Variants in FAM149B1 observed in about 807,000 individuals in gnomAD.
FAM149B1 encodes primary cilium assembly protein FAM149B1.
FAM149B1 carries 56 observed loss-of-function variants against 75.3 expected under a neutral mutation model. That is an observed-to-expected ratio of 0.74 (90% confidence interval 0.60 to 0.93). The LOEUF (loss-of-function observed/expected upper bound fraction) is 0.93, where lower values mean the gene tolerates loss of function less well. FAM149B1 is among the 40% of genes least tolerant of loss of function. The probability of loss-of-function intolerance (pLI) is 0.00; values close to 1 mark genes in which losing one functional copy is unlikely to be tolerated. For missense variants in FAM149B1, 639 were observed against 708.4 expected, an observed-to-expected ratio of 0.90 and a Z score of 1.11; for synonymous variants, 259 against 256.1, an observed-to-expected ratio of 1.01 and a Z score of -0.11.
chr10:73,178,427 G>T (rs1281544896), intron 3 of FAM149B1, among the ~76,000 whole-genome samples: 2 of 151,762 alleles, frequency 1.3e-5, no homozygotes, highest in Non-Finnish European at 2.9e-5. Flanking sequence ...GGAGGTGGAG[G>T]TTGCTGTGAG....
At chr10:73,234,501 G>A (rs1423218409) in intron 10 of FAM149B1, 1 of 277,012 alleles carries the variant, frequency 3.6e-6, no homozygotes, top group African/African-American at 2.2e-5. Context: ...TCATCAGCTG[G>A]GAATTTACAA....
In FAM149B1 at chr10:73,242,862, C is replaced by T. The variant is rs573957399; in HGVS notation, c.*1843C>T. 3 of 152,802 alleles carry T rather than the reference C, an allele frequency of 2.0e-5. No individual in the cohort carries two copies. Among genetic ancestry groups the T allele is most frequent in the African/African-American group, 7.2e-5 (3 of 41,426 alleles). The allele number at this position is 152,802 out of a possible 1,614,324, so 9.5% of individuals were successfully genotyped here. The stretch of plus-strand genomic sequence containing the variant: ...TTTACCTTTTTTATTGAATTATATA[C>T]ACCTCTTACAAAAATGCTTGAAGTA... On this transcript the variant is annotated 3_prime_UTR_variant, in exon 14 of 14. Transcript: ENST00000242505.
chr10:73,223,156 C>G (rs181751109), intron 7 of FAM149B1, among the ~76,000 whole-genome samples: 2 of 152,086 alleles, frequency 1.3e-5, no homozygotes, highest in Non-Finnish European at 2.9e-5. Context: ...GACCAGCACC[C>G]AGATCAAGAA....
chr10:73,204,771 CTT>C (rs772508767), intron 5 of FAM149B1, among the ~76,000 whole-genome samples: 27 of 92,934 alleles, frequency 2.9e-4, no homozygotes, highest in East Asian at 2.8e-3. Flanking sequence ...TGTGATTATT[CTT>C]TTTTTTTTTT....
rs1177168573 is a variant in FAM149B1, at chr10:73,193,561, AACAACCTTGTCTCAAG to A, written c.512_527del (p.Thr171LysfsTer9). Reference sequence around the variant, plus strand: ...CTTCTGCTGTTTCCGCTTCATATGAAACAACCTTGTCTCAAGAAAGAGATTCTACTATGTGAGTATT... The same window carrying A: ...CTTCTGCTGTTTCCGCTTCATATGAAAAAGAGATTCTACTATGTGAGTATT... On this transcript the variant is annotated frameshift_variant, in exon 5 of 14. Coordinates refer to ENST00000242505, the MANE Select transcript of FAM149B1 (RefSeq NM_173348.2). LOFTEE classifies it high-confidence loss of function. 2.6e-6 allele frequency: 4 copies of A among 1,550,970 alleles called. No homozygotes were observed. Among genetic ancestry groups the A allele is most frequent in the Non-Finnish European group, 3.5e-6 (4 of 1,146,680 alleles).
At chr10:73,179,734 C>G (rs894179008) in intron 3 of FAM149B1, among the ~76,000 whole-genome samples, 3 of 151,980 alleles carry the variant, frequency 2.0e-5, no homozygotes, top group Non-Finnish European at 4.4e-5. Flanking sequence ...ATTGTTAAAA[C>G]CTATTTTCTA....
chr10:73,215,101 G>A (rs376569004), intron 7 of FAM149B1, among the ~76,000 whole-genome samples: 3 of 151,690 alleles, frequency 2.0e-5, no homozygotes, highest in Non-Finnish European at 4.4e-5. Flanking sequence ...CAGCCTCTGC[G>A]CCTCTGCCTC....
At chr10:73,188,933 C>G (rs1300829431) in intron 3 of FAM149B1, among the ~76,000 whole-genome samples, 2 of 151,798 alleles carry the variant, frequency 1.3e-5, no homozygotes, top group African/African-American at 4.8e-5. Context: ...GTGGCTTGTG[C>G]CTGTAACCCC....
intron 7 of FAM149B1, among the ~76,000 whole-genome samples, chr10:73,220,148 G>A (rs1401224618): frequency 6.6e-6 from 1 of 151,906 alleles, no homozygotes; most frequent in African/African-American, 2.4e-5. Context: ...GAAAGACGCT[G>A]TACATCGTTA....
At chr10:73,190,711 C>A (rs2133332138) in intron 3 of FAM149B1, among the ~76,000 whole-genome samples, 1 of 150,428 alleles carries the variant, frequency 6.6e-6, no homozygotes, top group Non-Finnish European at 1.5e-5. Context: ...TGTAACCATC[C>A]CTCTGACTGC....
At chr10:73,205,969 G>A (rs1448905903) in intron 5 of FAM149B1, among the ~76,000 whole-genome samples, 1 of 152,218 alleles carries the variant, frequency 6.6e-6, no homozygotes, top group African/African-American at 2.4e-5. Context: ...TGGGTAATGG[G>A]CAGATGTTGA....
intron 5 of FAM149B1, among the ~76,000 whole-genome samples, chr10:73,207,520 C>T (rs1355352972): frequency 1.3e-5 from 2 of 151,902 alleles, no homozygotes; most frequent in African/African-American, 4.8e-5. Context: ...GCCGAGACCC[C>T]ACCACTACAC....
rs565961356 is a variant in FAM149B1 at position 73,174,753 on chromosome 10, C to A, written c.114C>A (p.Pro38=). The A allele has an allele frequency of 4.5e-6, 7 of 1,551,262 alleles. No homozygotes were observed. The East Asian group carries it at 1.7e-4, about 38-fold the overall frequency. The part of the protein sequence containing the change: ...PPPEKLEEIS[P]TSDSHEKDTS... ...CAGAGAAGCTGGAGGAAATTTCCCC[C>A]ACCAGTGACAGTCATGAGAAAGACA... Residue 38 remains proline (P), a synonymous_variant, in exon 2 of 14, where the codon CCC becomes CCA. Coordinates refer to ENST00000242505, the MANE Select transcript of FAM149B1 (RefSeq NM_173348.2).
At chr10:73,218,722 G>A (rs1478935050) in intron 7 of FAM149B1, among the ~76,000 whole-genome samples, 1 of 152,034 alleles carries the variant, frequency 6.6e-6, no homozygotes, top group Non-Finnish European at 1.5e-5. Context: ...TTAGTAAAAG[G>A]TTGTCTACTC....
At chr10:73,230,767 T>A in intron 9 of FAM149B1, 1 of 395,682 alleles carries the variant, frequency 2.5e-6, no homozygotes, top group Non-Finnish European at 4.8e-6. Context: ...CTGAGTGCCA[T>A]GTGCGTGCTG....
Position 73,208,786 on chromosome 10 carries a change from TGTGA to T in FAM149B1, c.710+3_710+6del, listed in dbSNP as rs1156456802. ...TACCTAGCATTCGATCACATAGATA[TGTGA>T]GTATTATGCCTTTTAAGCTTTTTAC... On this transcript the variant is annotated splice_donor_variant and splice_donor_region_variant and intron_variant, in intron 6 of 13. Coordinates refer to ENST00000242505, the MANE Select transcript of FAM149B1 (RefSeq NM_173348.2). LOFTEE classifies it high-confidence loss of function. The T allele has an allele frequency of 8.0e-6, 12 of 1,491,572 alleles. 1 individual carries two copies. Among genetic ancestry groups the T allele is most frequent in the Admixed American group, 6.7e-5 (3 of 44,586 alleles). 92.4% of individuals were successfully genotyped at this position (1,491,572 alleles called of 1,614,324 possible).
Position 73,168,144 on chromosome 10 carries a change from G to C in FAM149B1, c.-196G>C. Reference sequence around the variant, plus strand: ...ACTTCCGCCCCCGCGGCAAAGCAGGGAGGTCGGAGGACTGGAGAGGTGGGG... The same window carrying C: ...ACTTCCGCCCCCGCGGCAAAGCAGGCAGGTCGGAGGACTGGAGAGGTGGGG... On this transcript the variant is annotated 5_prime_UTR_variant, in exon 1 of 14. Coordinates refer to ENST00000242505, the MANE Select transcript of FAM149B1 (RefSeq NM_173348.2). The C allele has an allele frequency of 1.7e-6, 1 of 586,444 alleles. No homozygotes were observed. Among genetic ancestry groups the C allele is most frequent in the South Asian group, 2.2e-5 (1 of 45,562 alleles). The allele number at this position is 586,444 out of a possible 1,614,324, so 36.3% of individuals were successfully genotyped here.
chr10:73,235,465 C>T, intron 12 of FAM149B1, 147 bp downstream of exon 12: 1 of 1,439,088 alleles, frequency 6.9e-7, no homozygotes, highest in Middle Eastern at 2.6e-4. Flanking sequence ...GTTATAAATA[C>T]ATTTTGTTCA....
At chr10:73,186,915 T>A (rs1054120227) in intron 3 of FAM149B1, among the ~76,000 whole-genome samples, 3 of 152,130 alleles carry the variant, frequency 2.0e-5, no homozygotes, top group African/African-American at 7.2e-5. Context: ...TGGAAACAGT[T>A]TCTTTTAAGG....
Sources: allele counts gnomAD v4.1 joint callset (sites outside exome capture counted in the v4.1 genomes callset), GRCh38; gene constraint gnomAD v4.1.1; transcripts MANE v1.5; gene names NCBI Gene and HGNC (gene_info 2026-07-23, HGNC 2026-07-21).